LIFR: variants seen among roughly 807,000 people sequenced by gnomAD.
LIFR encodes leukemia inhibitory factor receptor.
Under a neutral mutation model 122.2 loss-of-function variants are expected in LIFR, and 84 were observed. That is an observed-to-expected ratio of 0.69 (90% confidence interval 0.58 to 0.82). LIFR has a LOEUF of 0.82. LIFR is among the 40% of genes least tolerant of loss of function. The pLI, the probability that LIFR is intolerant of heterozygous loss-of-function variation, is 0.00. For missense variants in LIFR, 1,294 were observed against 1,311.6 expected (o/e 0.99, Z 0.21); for synonymous variants, 422 against 434.7 (o/e 0.97, Z 0.36).
rs772821407 is a variant in LIFR at position 38,479,280 on chromosome 5, T to C, written c.*2315A>G. The C allele has an allele frequency of 4.3e-5, 10 of 231,738 alleles. No homozygotes were observed. Among genetic ancestry groups the C allele is most frequent in the Non-Finnish European group, 6.8e-5 (8 of 117,130 alleles). 14.4% of individuals were successfully genotyped at this position (231,738 alleles called of 1,614,324 possible). On this transcript the variant is annotated 3_prime_UTR_variant, in exon 20 of 20. Transcript: ENST00000453190. ...TTATAAGGAGCTTGCCCAGACTTAA[T>C]AGCGTTACTCTGCTTCTCATTAAGC... is the stretch of plus-strand genomic sequence containing the variant.
chr5:38,557,387 A>G (rs1190871690), upstream of LIFR: 2 of 154,448 alleles, frequency 1.3e-5, no homozygotes, highest in African/African-American at 4.8e-5. Context: ...AGTAATCACC[A>G]AATGAAATTA....
chr5:38,596,362 T>G (rs1244471182), upstream of LIFR, among the ~76,000 whole-genome samples: 2 of 152,162 alleles, frequency 1.3e-5, no homozygotes, highest in African/African-American at 4.8e-5. Flanking sequence ...ACACCGAAGT[T>G]TGAAGATTAT....
chr5:38,533,450 G>A lies in LIFR; in HGVS notation c.-19-2784C>T, dbSNP rs548974769. On this transcript the variant is annotated intron_variant, in intron 1 of 19. Transcript: ENST00000453190. Reference sequence around the variant, plus strand: ...TGGCAAAGTTCAGTCCTGTCAACACGGGCCCCTGAGCTTTTAAAGGCCTTG... The same window carrying A: ...TGGCAAAGTTCAGTCCTGTCAACACAGGCCCCTGAGCTTTTAAAGGCCTTG... 4.6e-5 allele frequency among the ~76,000 whole-genome samples: 7 copies of A among 152,256 alleles called. No individual in the cohort carries two copies. In the South Asian group the frequency reaches 8.3e-4, roughly 18 times the overall value.
At chr5:38,507,258 C>T (rs188664231) in intron 7 of LIFR, among the ~76,000 whole-genome samples, 244 of 147,520 alleles carry the variant, frequency 1.7e-3, no homozygotes, top group African/African-American at 5.4e-3. Flanking sequence ...TTTTTTAAGA[C>T]GAGACCTTCA....
chr5:38,530,716 C>T, intron 1 of LIFR, 50 bp from the exon 2 acceptor site: 1 of 1,444,196 alleles, frequency 6.9e-7, no homozygotes, highest in South Asian at 1.1e-5. Flanking sequence ...TCTGAAGGCT[C>T]ACCTTATACT....
intron 6 of LIFR, among the ~76,000 whole-genome samples, chr5:38,511,334 C>T (rs533793370): frequency 1.3e-5 from 2 of 152,266 alleles, no homozygotes; most frequent in Admixed American, 6.5e-5. Context: ...CTATTCGAAA[C>T]TGCCAACATT....
chr5:38,485,652 T>C (rs1744244666), intron 17 of LIFR, 167 bp downstream of exon 17: 2 of 670,682 alleles, frequency 3.0e-6, no homozygotes, highest in Admixed American at 2.5e-5. Context: ...AGAATAAACA[T>C]GAAGTAATCT....
chr5:38,591,658 G>A (rs956974534), intron 1 of LIFR, among the ~76,000 whole-genome samples: 2 of 152,158 alleles, frequency 1.3e-5, no homozygotes, highest in Admixed American at 1.3e-4. Flanking sequence ...CCATGGTCAG[G>A]CCCAGTGACT....
chr5:38,569,207 C>G (rs1003676222), intron 1 of LIFR, among the ~76,000 whole-genome samples: 6 of 152,204 alleles, frequency 3.9e-5, no homozygotes, highest in Admixed American at 3.9e-4. Context: ...CAGATTATAG[C>G]CCACCATTCT....
chr5:38,540,285 C>T (rs71621872), intron 1 of LIFR, among the ~76,000 whole-genome samples: 3 of 152,146 alleles, frequency 2.0e-5, no homozygotes, highest in Non-Finnish European at 4.4e-5. Flanking sequence ...TGTTTGTCAC[C>T]TGCAGGAACA....
chr5:38,596,754 C>T (rs766045329), upstream of LIFR, among the ~76,000 whole-genome samples: 4 of 152,130 alleles, frequency 2.6e-5, no homozygotes, highest in Non-Finnish European at 5.9e-5. Context: ...CCTGGTCAAC[C>T]CTAATCTTGT....
intron 1 of LIFR, among the ~76,000 whole-genome samples, chr5:38,591,612 T>C (rs1413168640): frequency 1.3e-5 from 2 of 152,236 alleles, no homozygotes; most frequent in Admixed American, 1.3e-4. Flanking sequence ...GGACACCATA[T>C]AGACTATTCA....
intron 1 of LIFR, among the ~76,000 whole-genome samples, chr5:38,563,906 A>G (rs868771182): frequency 6.6e-6 from 1 of 152,078 alleles, no homozygotes; most frequent in Non-Finnish European, 1.5e-5. Flanking sequence ...TAGTTTCAGG[A>G]GCTTCACTAG....
chr5:38,475,640 A>G lies in LIFR; in HGVS notation c.*5955T>C, dbSNP rs1302323817. ...AAAAAACATTCATTCTACAAACCTT[A>G]TAAAAGACAGAAACTTATATCTGTT... On this transcript the variant is annotated 3_prime_UTR_variant, in exon 20 of 20. Transcript: ENST00000453190. 5.4e-6 allele frequency: 1 copy of G among 185,748 alleles called. No individual in the cohort carries two copies. The highest frequency in any genetic ancestry group is 6.2e-5 in the Admixed American group (1 of 16,114). The allele number at this position is 185,748 out of a possible 1,614,324, so 11.5% of individuals were successfully genotyped here.
chr5:38,557,742 C>T (rs867116910), upstream of LIFR: 2 of 154,310 alleles, frequency 1.3e-5, no homozygotes, highest in African/African-American at 4.8e-5. Context: ...CAACAAAACA[C>T]CTGAAAGGAC....
intron 1 of LIFR, among the ~76,000 whole-genome samples, chr5:38,537,545 T>C (rs1162238713): frequency 6.6e-6 from 1 of 152,178 alleles, no homozygotes; most frequent in Admixed American, 6.5e-5. Flanking sequence ...TTAAACAACC[T>C]GAAGAACATT....
chr5:38,506,885 T>C (rs556970483), intron 7 of LIFR, among the ~76,000 whole-genome samples: 4 of 152,348 alleles, frequency 2.6e-5, no homozygotes, highest in African/African-American at 9.6e-5. Flanking sequence ...CTGTAGCAAC[T>C]TGAAATATCA....
chr5:38,549,820 T>A (rs989767478), intron 1 of LIFR, among the ~76,000 whole-genome samples: 3 of 152,176 alleles, frequency 2.0e-5, no homozygotes, highest in African/African-American at 7.2e-5. Flanking sequence ...ACAAAAATTA[T>A]TTTTGCAAAT....
rs1487981199 is a variant in LIFR at position 38,493,667 on chromosome 5, T to A, written c.2004A>T (p.Glu668Asp). 1.2e-6 allele frequency: 2 copies of A among 1,614,212 alleles called. No homozygotes were observed. The highest frequency in any genetic ancestry group is 2.7e-5 in the African/African-American group (2 of 75,056). ...CTTTTCTCCAGTCCATAAGGCATGG[T>A]TCCGACCGAGACGAGTTACACCACT... The part of the protein sequence containing the change: ...VIKWCNSSRS[E>D]PCLMDWRKVP... Residue 668 changes from glutamate (E) to aspartate (D), a missense_variant, in exon 14 of 20, where the codon GAA becomes GAT. Transcript: ENST00000453190.
Sources: gnomAD v4.1 joint callset for allele counts (sites outside exome capture counted in the v4.1 genomes callset) on GRCh38, gnomAD v4.1.1 for gene constraint, MANE v1.5 for transcripts, NCBI Gene and HGNC (gene_info 2026-07-23, HGNC 2026-07-21) for gene names.